The following ACSM4 variants were observed in gnomAD, a reference collection of about 807,000 sequenced individuals.
ACSM4 encodes the protein acyl-coenzyme A synthetase ACSM4, mitochondrial.
Under a neutral mutation model 73.0 loss-of-function variants are expected in ACSM4, and 66 were observed. That is an observed-to-expected ratio of 0.90 (90% CI 0.74 to 1.11). ACSM4 has a LOEUF of 1.11. Among genes scored for constraint, ACSM4 ranks in the 50% least tolerant of loss-of-function variants. ACSM4 has a pLI of 0.00. For synonymous variants in ACSM4, 222 were observed against 254.0 expected (o/e 0.87, Z 1.20); for missense variants, 645 against 714.4 (o/e 0.90, Z 1.11).
intron 1 of ACSM4, among the ~76,000 whole-genome samples, chr12:7,306,200 G>C (rs771077376): frequency 6.6e-6 from 1 of 152,344 alleles, no homozygotes; most frequent in East Asian, 1.9e-4. Flanking sequence ...GCATGCGTAA[G>C]CACGAATAAC....
chr12:7,304,542 G>T lies in ACSM4; in HGVS notation c.201+10G>T, dbSNP rs751236848. On this transcript the variant is annotated intron_variant, in intron 1 of 12. Transcript: ENST00000399422. ...GTCCCAAAAGGAGAAGGTATATGAC[G>T]ATGGGCTTCCAGTAGATGCTTGGTG... 3 of 1,611,382 alleles carry T rather than the reference G, an allele frequency of 1.9e-6. No individual in the cohort carries two copies. The highest frequency in any genetic ancestry group is 2.5e-6 in the Non-Finnish European group (3 of 1,178,642).
chr12:7,315,690 T>C (rs1475765392), intron 3 of ACSM4, among the ~76,000 whole-genome samples: 1 of 152,174 alleles, frequency 6.6e-6, no homozygotes, highest in Non-Finnish European at 1.5e-5. Context: ...CGGTTATTCA[T>C]CATTGAGTAA....
At position 7,322,614 on chromosome 12, in the gene ACSM4, G is replaced by A; in HGVS notation, c.1125+73G>A. The A allele has an allele frequency of 3.3e-6, 5 of 1,519,476 alleles. No homozygotes were observed. The South Asian group carries it at 6.6e-5, about 20-fold the overall frequency. 94.1% of individuals were successfully genotyped at this position (1,519,476 alleles called of 1,614,324 possible). A position where few individuals can be genotyped will look rare whatever the true frequency, so the allele number is the denominator to read the frequency against. On this transcript the variant is annotated intron_variant, in intron 7 of 12. Transcript: ENST00000399422. ...CCCCAGGTTTTTCAACTGAGCCCCT[G>A]AAGTGCCCCCATCCCACTGTAAATT... is the stretch of plus-strand genomic sequence containing the variant.
chr12:7,304,261 CTCTA>C lies in ACSM4; in HGVS notation c.-68_-65del. 1 of 1,478,328 alleles carries C rather than the reference CTCTA, an allele frequency of 6.8e-7. No individual in the cohort carries two copies. The highest frequency in any genetic ancestry group is 9.4e-7 in the Non-Finnish European group (1 of 1,063,810). The allele number at this position is 1,478,328 out of a possible 1,614,324, so 91.6% of individuals were successfully genotyped here. A position where few individuals can be genotyped will look rare whatever the true frequency, so the allele number is the denominator to read the frequency against. Reference sequence around the variant, plus strand: ...CACAGAGCATCAAGAAACTGATACTCTCTATCCATCTCTCCCTACAGGCTGTAGT... The same window carrying C: ...CACAGAGCATCAAGAAACTGATACTCTCCATCTCTCCCTACAGGCTGTAGT... On this transcript the variant is annotated 5_prime_UTR_variant, in exon 1 of 13. The change creates a premature stop within an existing upstream ORF in the 5' untranslated region. Transcript: ENST00000399422.
rs971213943 is a variant in ACSM4, at chr12:7,324,190, G to A, written c.1309-83G>A. 3.1e-5 allele frequency: 47 copies of A among 1,507,154 alleles called. No homozygotes were observed. In the African/African-American group the frequency reaches 5.4e-4, roughly 17 times the overall value. The allele number at this position is 1,507,154 out of a possible 1,614,324, so 93.4% of individuals were successfully genotyped here. A position where few individuals can be genotyped will look rare whatever the true frequency, so the allele number is the denominator to read the frequency against. ...AAAATTTCCTATATAAGTAGGATGT[G>A]TAATGTACTAGTCACTTAATGAGTG... On this transcript the variant is annotated intron_variant, in intron 9 of 12. Transcript: ENST00000399422.
chr12:7,317,357 TCTC>T, intron 4 of ACSM4, 77 bp downstream of exon 4: 2 of 1,447,986 alleles, frequency 1.4e-6, no homozygotes, highest in Non-Finnish European at 1.8e-6. Context: ...AACTGATACT[TCTC>T]CTTGAATTGC....
intron 4 of ACSM4, 112 bp from the exon 5 acceptor site, chr12:7,317,914 C>T: frequency 2.6e-6 from 3 of 1,165,736 alleles, no homozygotes; most frequent in Non-Finnish European, 3.5e-6. Flanking sequence ...TTCTTTTGAC[C>T]CTTCTCTGTA....
Position 7,304,376 on chromosome 12 carries a change from C to T in ACSM4, c.45C>T (p.Leu15=), listed in dbSNP as rs758002942. The T allele has an allele frequency of 1.9e-6, 3 of 1,613,984 alleles. No individual in the cohort carries two copies. The highest frequency in any genetic ancestry group is 8.5e-7 in the Non-Finnish European group (1 of 1,179,860). ...FRYQTFRFIW[L]TKPPGRRLHK... The stretch of plus-strand genomic sequence containing the variant: ...ACCAGACATTTAGATTCATCTGGCT[C>T]ACCAAGCCACCTGGCCGGCGCTTAC... Residue 15 remains leucine (L), a synonymous_variant, in exon 1 of 13, where the codon CTC becomes CTT. Transcript: ENST00000399422.
Position 7,315,494 on chromosome 12 carries a change from C to T in ACSM4, c.621-1643C>T, listed in dbSNP as rs183925697. Among the ~76,000 whole-genome samples the T allele has an allele frequency of 2.5e-3, 387 of 152,156 alleles. 4 individuals carry two copies. The highest frequency in any genetic ancestry group is 8.3e-3 in the African/African-American group (345 of 41,514). ...GGTGTCGTGGTGCATTGTCTGTAGT[C>T]TCAGCTACTTGGGAGGCTGAGGCAG... On this transcript the variant is annotated intron_variant, in intron 3 of 12. Transcript: ENST00000399422.
chr12:7,311,934 G>T (rs937739721), intron 3 of ACSM4, among the ~76,000 whole-genome samples: 1 of 152,052 alleles, frequency 6.6e-6, no homozygotes, highest in East Asian at 1.9e-4. Flanking sequence ...AAAGTGATCC[G>T]CCAACCTCAG....
At chr12:7,311,554 A>G (rs1475237872) in intron 3 of ACSM4, among the ~76,000 whole-genome samples, 1 of 152,182 alleles carries the variant, frequency 6.6e-6, no homozygotes, top group East Asian at 1.9e-4. Context: ...TGTTTTCTTC[A>G]TATCACTCGT....
Position 7,304,246 on chromosome 12 carries a change from C to A in ACSM4, c.-86C>A, listed in dbSNP as rs756777134. On this transcript the variant is annotated 5_prime_UTR_variant, in exon 1 of 13. Coordinates refer to ENST00000399422, the MANE Select transcript of ACSM4 (RefSeq NM_001080454.2). ...ACCTCCCAGTCTCACCACAGAGCAT[C>A]AAGAAACTGATACTCTCTATCCATC... 1.1e-5 allele frequency: 16 copies of A among 1,411,158 alleles called. No individual in the cohort carries two copies. Among genetic ancestry groups the A allele is most frequent in the Middle Eastern group, 3.6e-4 (2 of 5,538 alleles). 87.4% of individuals were successfully genotyped at this position (1,411,158 alleles called of 1,614,324 possible).
rs1946348130 is a variant in ACSM4 at position 7,304,199 on chromosome 12, A to G, written c.-133A>G. 1 of 937,556 alleles carries G rather than the reference A, an allele frequency of 1.1e-6. No homozygotes were observed. The highest frequency in any genetic ancestry group is 1.6e-5 in the African/African-American group (1 of 60,776). The allele number at this position is 937,556 out of a possible 1,614,324, so 58.1% of individuals were successfully genotyped here. ...TTTTTCAGGTGTTCCCCAACTTGCCAGGGACACACAGCCACAAATCCACCT... is the reference window on the plus strand; with the variant it reads ...TTTTTCAGGTGTTCCCCAACTTGCCGGGGACACACAGCCACAAATCCACCT... On this transcript the variant is annotated 5_prime_UTR_variant, in exon 1 of 13. Transcript: ENST00000399422.
intron 3 of ACSM4, among the ~76,000 whole-genome samples, chr12:7,316,012 A>G (rs1342727337): frequency 1.3e-5 from 2 of 152,206 alleles, no homozygotes; most frequent in African/African-American, 4.8e-5. Flanking sequence ...GAAGTCCCAG[A>G]ACTTGTGCCA....
intron 4 of ACSM4, 40 bp downstream of exon 4, chr12:7,317,320 C>T (rs1363939090): frequency 6.6e-7 from 1 of 1,525,992 alleles, no homozygotes; most frequent in Admixed American, 2.1e-5. Context: ...TGAACTCCCC[C>T]AAAGCTGCGA....
intron 3 of ACSM4, among the ~76,000 whole-genome samples, chr12:7,315,774 G>A (rs765544810): frequency 6.6e-6 from 1 of 151,970 alleles, no homozygotes; most frequent in South Asian, 2.1e-4. Context: ...TCAGAAATTC[G>A]CACAGGGCTC....
At chr12:7,325,695 G>C (rs138644961) in intron 11 of ACSM4, among the ~76,000 whole-genome samples, 193 of 152,226 alleles carry the variant, frequency 1.3e-3, no homozygotes, top group Non-Finnish European at 2.1e-3. Context: ...TCCCAAACAA[G>C]TCTCATGAGC....
At position 7,317,156 on chromosome 12, in the gene ACSM4, A is replaced by C. The variant is rs1946426414; in HGVS notation, c.640A>C (p.Ser214Arg). ...TTGCAGATTCGCCTCTGAAGAGCAC[A>C]GCTGTGTGGAAACAGGAAGTCAAGA... ...ELFQFASEEH[S>R]CVETGSQEPM... Residue 214 changes from serine to arginine, a missense_variant, in exon 4 of 13, where the codon AGC becomes CGC. Coordinates refer to ENST00000399422, the MANE Select transcript of ACSM4 (RefSeq NM_001080454.2). The C allele has an allele frequency of 6.2e-7, 1 of 1,612,916 alleles. No individual in the cohort carries two copies. Among genetic ancestry groups the C allele is most frequent in the Non-Finnish European group, 8.5e-7 (1 of 1,179,532 alleles).
Position 7,317,900 on chromosome 12 carries a change from G to A in ACSM4, c.765-126G>A, listed in dbSNP as rs1025006557. 1.6e-5 allele frequency: 16 copies of A among 1,007,798 alleles called. No homozygotes were observed. The East Asian group carries it at 4.4e-4, about 27-fold the overall frequency. The allele number at this position is 1,007,798 out of a possible 1,614,324, so 62.4% of individuals were successfully genotyped here. A position where few individuals can be genotyped will look rare whatever the true frequency, so the allele number is the denominator to read the frequency against. On this transcript the variant is annotated intron_variant, in intron 4 of 12. Coordinates refer to ENST00000399422, the MANE Select transcript of ACSM4 (RefSeq NM_001080454.2). ...GAAGTTGAATCTATCACCTTGCCTG[G>A]GGCTTCTTTTGACCCTTCTCTGTAG...
Sources: allele counts gnomAD v4.1 joint callset (sites outside exome capture counted in the v4.1 genomes callset), GRCh38; gene constraint gnomAD v4.1.1; transcripts MANE v1.5; gene names NCBI Gene and HGNC (gene_info 2026-07-23, HGNC 2026-07-21).